NTRK2: variants seen among roughly 807,000 people sequenced by gnomAD.
The protein encoded by NTRK2 is BDNF/NT-3 growth factors receptor.
Under a neutral mutation model 94.5 loss-of-function variants are expected in NTRK2, and 13 were observed. That is an observed-to-expected ratio of 0.14 (90% CI 0.09 to 0.22). The LOEUF (loss-of-function observed/expected upper bound fraction) is 0.22, where lower values mean the gene tolerates loss of function less well. Ranked by LOEUF, NTRK2 falls within the 10% of genes least tolerant of loss-of-function variation. The pLI, the probability that NTRK2 is intolerant of heterozygous loss-of-function variation, is 1.00. For missense variants in NTRK2, 639 were observed against 1,071.2 expected, an observed-to-expected ratio of 0.60 and a Z score of 5.63; for synonymous variants, 372 against 407.4, an observed-to-expected ratio of 0.91 and a Z score of 1.05.
rs544981425 is a variant in NTRK2, at chr9:84,838,823, T to G, written c.1397-22217T>G. 4.6e-5 allele frequency among the ~76,000 whole-genome samples: 7 copies of G among 152,132 alleles called. No homozygotes were observed. In the South Asian group the frequency reaches 1.2e-3, roughly 27 times the overall value. On this transcript the variant is annotated intron_variant, in intron 12 of 18. Coordinates refer to ENST00000277120, the MANE Select transcript of NTRK2 (RefSeq NM_006180.6). Reference sequence around the variant, plus strand: ...ACCAAAAATAGATAATTCTGGACTTTAAAATATAAAATAACACTACATACC... The same window carrying G: ...ACCAAAAATAGATAATTCTGGACTTGAAAATATAAAATAACACTACATACC...
chr9:84,911,509 A>G (rs1197447478), intron 14 of NTRK2, among the ~76,000 whole-genome samples: 1 of 152,146 alleles, frequency 6.6e-6, no homozygotes. Flanking sequence ...TGTGCTTTTC[A>G]AAGAATTGGC....
At chr9:84,850,396 G>A (rs1213741554) in intron 12 of NTRK2, among the ~76,000 whole-genome samples, 3 of 152,084 alleles carry the variant, frequency 2.0e-5, no homozygotes, top group Non-Finnish European at 4.4e-5. Context: ...GAAAATTTGA[G>A]GCATCTTTAT....
intron 12 of NTRK2, among the ~76,000 whole-genome samples, chr9:84,755,725 C>T (rs1055387216): frequency 1.3e-5 from 2 of 151,912 alleles, no homozygotes; most frequent in African/African-American, 2.4e-5. Flanking sequence ...TACCTCCCTA[C>T]CTTTGAATGT....
intron 15 of NTRK2, among the ~76,000 whole-genome samples, chr9:84,945,464 G>C (rs2078567886): frequency 6.6e-6 from 1 of 152,104 alleles, no homozygotes. Context: ...CCCAGGAGAA[G>C]GACCCAGCAG....
At chr9:84,950,410 TATC>T (rs1240661800) in intron 16 of NTRK2, among the ~76,000 whole-genome samples, 16 of 152,174 alleles carry the variant, frequency 1.1e-4, no homozygotes, top group Admixed American at 1.0e-3. Flanking sequence ...GCAAATACAT[TATC>T]ATGAACCTAA....
At chr9:84,993,568 A>G (rs377440085) in intron 17 of NTRK2, among the ~76,000 whole-genome samples, 3 of 152,248 alleles carry the variant, frequency 2.0e-5, no homozygotes, top group Admixed American at 6.5e-5. Context: ...TCTGCACAGC[A>G]GCCAGAGTGT....
chr9:84,823,633 CT>C (rs761716328), intron 12 of NTRK2, among the ~76,000 whole-genome samples: 23 of 152,336 alleles, frequency 1.5e-4, no homozygotes, highest in Non-Finnish European at 2.8e-4. Flanking sequence ...AGGGCTGCCC[CT>C]AGCCCAGCCC....
chr9:84,977,937 A>T (rs1442466864), intron 17 of NTRK2, among the ~76,000 whole-genome samples: 1 of 152,180 alleles, frequency 6.6e-6, no homozygotes, highest in Non-Finnish European at 1.5e-5. Context: ...TTACTATTGT[A>T]CTTGTTTTGT....
intron 9 of NTRK2, among the ~76,000 whole-genome samples, chr9:84,735,596 G>A (rs2063202748): frequency 6.6e-6 from 1 of 152,142 alleles, no homozygotes; most frequent in Non-Finnish European, 1.5e-5. Flanking sequence ...AATTGGTTTT[G>A]GCATAAAGTT....
At chr9:84,694,671 T>C (rs1450066208) in intron 2 of NTRK2, among the ~76,000 whole-genome samples, 1 of 152,138 alleles carries the variant, frequency 6.6e-6, no homozygotes, top group Non-Finnish European at 1.5e-5. Context: ...AGGATTATTC[T>C]ACTCCCTATG....
Position 85,021,568 on chromosome 9 carries a change from C to CCT in NTRK2, c.*132_*133insTC. ...TCTGACAGTATTAACATCAAAGACT[C>CCT]CGAGAAGCTCTCGAGGGAAGCAGTG... On this transcript the variant is annotated 3_prime_UTR_variant, in exon 19 of 19. Coordinates refer to ENST00000277120, the MANE Select transcript of NTRK2 (RefSeq NM_006180.6). The CCT allele has an allele frequency of 1.1e-6, 1 of 883,952 alleles. No homozygotes were observed. Among genetic ancestry groups the CCT allele is most frequent in the Non-Finnish European group, 1.9e-6 (1 of 530,236 alleles). 54.8% of individuals were successfully genotyped at this position (883,952 alleles called of 1,614,324 possible).
rs978434642 is a variant in NTRK2 at position 84,992,914 on chromosome 9, AT to A, written c.2173-27291del. Among the ~76,000 whole-genome samples the A allele has an allele frequency of 5.6e-5, 8 of 144,056 alleles. No homozygotes were observed. In the East Asian group the frequency reaches 6.2e-4, roughly 11 times the overall value. The allele number at this position is 144,056 out of a possible 152,430, so 94.5% of individuals were successfully genotyped here. ...AAAGTAAAGAGTTAAGAAAAAAAAAATATATAAATATATTTAATGTATTATA... is the reference window on the plus strand; with the variant it reads ...AAAGTAAAGAGTTAAGAAAAAAAAAAATATAAATATATTTAATGTATTATA... On this transcript the variant is annotated intron_variant, in intron 17 of 18. Transcript: ENST00000277120.
intron 14 of NTRK2, among the ~76,000 whole-genome samples, chr9:84,922,426 T>C (rs940854791): frequency 1.8e-4 from 27 of 152,368 alleles, no homozygotes; most frequent in African/African-American, 6.3e-4. Flanking sequence ...TATGGCAGTT[T>C]TTACATTCTG....
At chr9:84,717,324 T>C (rs2131920899) in intron 6 of NTRK2, among the ~76,000 whole-genome samples, 1 of 152,358 alleles carries the variant, frequency 6.6e-6, no homozygotes, top group Non-Finnish European at 1.5e-5. Context: ...CCCATCTTAT[T>C]TGTTGCCAAA....
chr9:84,977,753 A>G (rs72739952), intron 17 of NTRK2, among the ~76,000 whole-genome samples: 3,310 of 152,296 alleles, frequency 0.022, 65 homozygotes, highest in Non-Finnish European at 0.029. Context: ...GTGTATTTTT[A>G]CAAATTGAAG....
chr9:84,841,034 C>A (rs2074153650), intron 12 of NTRK2, among the ~76,000 whole-genome samples: 1 of 152,180 alleles, frequency 6.6e-6, no homozygotes. Flanking sequence ...TGTTGCTGAG[C>A]CCTGAAGCTC....
At chr9:84,801,089 C>T (rs1213469724) in intron 12 of NTRK2, among the ~76,000 whole-genome samples, 3 of 152,150 alleles carry the variant, frequency 2.0e-5, no homozygotes, top group Admixed American at 6.5e-5. Context: ...CTCGTGCCTG[C>T]GAATGGAAAG....
At chr9:85,021,184 T>A in intron 18 of NTRK2, 68 bp from the exon 19 acceptor site, 1 of 1,417,524 alleles carries the variant, frequency 7.1e-7, no homozygotes, top group Non-Finnish European at 9.9e-7. Flanking sequence ...GCTGTTTTTT[T>A]GCACTGACAT....
intron 12 of NTRK2, among the ~76,000 whole-genome samples, chr9:84,827,292 C>T (rs77493522): frequency 0.046 from 7,071 of 152,246 alleles, 210 homozygotes; most frequent in Admixed American, 0.089. Context: ...CTTATTTAAA[C>T]AGGGCAGCTG....
Sources: allele counts gnomAD v4.1 joint callset (sites outside exome capture counted in the v4.1 genomes callset), GRCh38; gene constraint gnomAD v4.1.1; transcripts MANE v1.5; gene names NCBI Gene and HGNC (gene_info 2026-07-23, HGNC 2026-07-21).